NME7: variants seen among roughly 807,000 people sequenced by gnomAD.
The protein encoded by NME7 is NME/NM23 family member 7.
Under a neutral mutation model 49.1 loss-of-function variants are expected in NME7, and 41 were observed. The ratio of observed to expected loss-of-function variants is 0.83; its 90% CI spans 0.65 to 1.08. NME7 has a LOEUF of 1.08. NME7 is among the 50% of genes least tolerant of loss of function. The pLI, the probability that NME7 is intolerant of heterozygous loss-of-function variation, is 0.00. For synonymous variants in NME7, 139 were observed against 150.6 expected (o/e 0.92, Z 0.56); for missense variants, 423 against 463.4 (o/e 0.91, Z 0.80).
intron 1 of NME7, among the ~76,000 whole-genome samples, chr1:169,332,469 C>T (rs1377914140): frequency 6.6e-6 from 1 of 152,006 alleles, no homozygotes; most frequent in Non-Finnish European, 1.5e-5. Flanking sequence ...AACGGACAAA[C>T]AGGATCATAT....
At chr1:169,235,936 A>T (rs911782374) in intron 8 of NME7, among the ~76,000 whole-genome samples, 2 of 141,130 alleles carry the variant, frequency 1.4e-5, no homozygotes, top group African/African-American at 4.9e-5. Context: ...AAAAACTAAG[A>T]CCTTATTTTT....
At chr1:169,222,676 C>T (rs1661180090) in intron 10 of NME7, among the ~76,000 whole-genome samples, 1 of 152,094 alleles carries the variant, frequency 6.6e-6, no homozygotes, top group South Asian at 2.1e-4. Context: ...ACAATATAAT[C>T]TATTTCTTTC....
At position 169,310,214 on chromosome 1, in the gene NME7, T is replaced by C. The variant is rs966066968; in HGVS notation, c.279-134A>G. On this transcript the variant is annotated intron_variant, in intron 3 of 11. Coordinates refer to ENST00000367811, the MANE Select transcript of NME7 (RefSeq NM_013330.5). ...GAAATTAATTGTATAGAAAAGTGTA[T>C]TAAAGACATCCCTTAAAAACTTACA... The C allele has an allele frequency of 2.5e-5, 14 of 571,014 alleles. No individual in the cohort carries two copies. In the African/African-American group the frequency reaches 2.6e-4, roughly 11 times the overall value. The allele number at this position is 571,014 out of a possible 1,614,324, so 35.4% of individuals were successfully genotyped here.
chr1:169,255,102 C>T (rs1648860139), intron 7 of NME7, among the ~76,000 whole-genome samples: 3 of 136,540 alleles, frequency 2.2e-5, no homozygotes, highest in Admixed American at 2.2e-4. Context: ...GAGCTAAGTT[C>T]AATTCCTGGG....
chr1:169,145,962 T>C (rs1478644886), intron 11 of NME7, among the ~76,000 whole-genome samples: 1 of 152,150 alleles, frequency 6.6e-6, no homozygotes, highest in African/African-American at 2.4e-5. Flanking sequence ...ATTCAGAGGG[T>C]ACATGTGTAG....
chr1:169,180,899 C>T (rs1383732074), intron 10 of NME7, among the ~76,000 whole-genome samples: 1 of 152,012 alleles, frequency 6.6e-6, no homozygotes, highest in Non-Finnish European at 1.5e-5. Flanking sequence ...TGCTGGAGAG[C>T]TATATGTGGC....
At chr1:169,360,640 T>C (rs147598745) in intron 1 of NME7, among the ~76,000 whole-genome samples, 10 of 152,306 alleles carry the variant, frequency 6.6e-5, no homozygotes, top group Admixed American at 6.5e-4. Context: ...CTATTGACTC[T>C]GCCTGGAATG....
At chr1:169,161,401 C>T (rs560483795) in intron 11 of NME7, among the ~76,000 whole-genome samples, 1 of 152,294 alleles carries the variant, frequency 6.6e-6, no homozygotes, top group Admixed American at 6.5e-5. Context: ...CAGAGGCCTG[C>T]GTTAATCACG....
chr1:169,261,976 A>G (rs1649178913), intron 7 of NME7, among the ~76,000 whole-genome samples: 1 of 134,028 alleles, frequency 7.5e-6, no homozygotes. Flanking sequence ...AAGATGCCTT[A>G]TACCACTTGA....
rs1343071426 is a variant in NME7, at chr1:169,287,876, C to G, written c.649-468G>C. On this transcript the variant is annotated intron_variant, in intron 6 of 11. Transcript: ENST00000367811. Reference sequence around the variant, plus strand: ...CAGCTACTTAAAACTAACTATAGGCCTAGTATAAAATAAAATCAAATGAAC... The same window carrying G: ...CAGCTACTTAAAACTAACTATAGGCGTAGTATAAAATAAAATCAAATGAAC... 2.6e-5 allele frequency among the ~76,000 whole-genome samples: 4 copies of G among 151,922 alleles called. 1 individual carries two copies. Among genetic ancestry groups the G allele is most frequent in the Admixed American group, 2.0e-4 (3 of 15,240 alleles).
rs574723820 is a variant in NME7 at position 169,347,429 on chromosome 1, G to T, written c.3+20279C>A. 7.9e-5 allele frequency among the ~76,000 whole-genome samples: 12 copies of T among 152,118 alleles called. 1 individual carries two copies. The South Asian group carries it at 2.5e-3, about 32-fold the overall frequency. Reference sequence around the variant, plus strand: ...ATAAAGCTTTGGGAGGAAGATGGACGTTGGCAAGTTTAACAAACAAAGCCA... The same window carrying T: ...ATAAAGCTTTGGGAGGAAGATGGACTTTGGCAAGTTTAACAAACAAAGCCA... On this transcript the variant is annotated intron_variant, in intron 1 of 11. Coordinates refer to ENST00000367811, the MANE Select transcript of NME7 (RefSeq NM_013330.5).
intron 11 of NME7, among the ~76,000 whole-genome samples, chr1:169,138,639 A>C (rs1658501170): frequency 6.6e-6 from 1 of 152,142 alleles, no homozygotes; most frequent in African/African-American, 2.4e-5. Context: ...GGATCACTTG[A>C]GCCTGGGAAG....
At chr1:169,227,534 G>A (rs1031406393) in intron 10 of NME7, among the ~76,000 whole-genome samples, 3 of 152,110 alleles carry the variant, frequency 2.0e-5, no homozygotes, top group Non-Finnish European at 4.4e-5. Context: ...ACTAAGTTCT[G>A]AAGGCTGGAA....
chr1:169,160,093 A>G (rs151152767), intron 11 of NME7, among the ~76,000 whole-genome samples: 202 of 152,146 alleles, frequency 1.3e-3, no homozygotes, highest in African/African-American at 4.5e-3. Context: ...GGAAAGCTCC[A>G]CTTCTGAAGT....
At chr1:169,225,064 G>T (rs867658452) in intron 10 of NME7, among the ~76,000 whole-genome samples, 1 of 152,088 alleles carries the variant, frequency 6.6e-6, no homozygotes, top group Non-Finnish European at 1.5e-5. Context: ...AAAGAAGAAA[G>T]ACACTGGTTT....
At chr1:169,145,981 C>T (rs565635168) in intron 11 of NME7, among the ~76,000 whole-genome samples, 39 of 151,806 alleles carry the variant, frequency 2.6e-4, no homozygotes, top group Middle Eastern at 3.4e-3. Flanking sequence ...AGGTCTGTTA[C>T]ATAGATATAT....
chr1:169,338,033 G>C (rs907165213), intron 1 of NME7, among the ~76,000 whole-genome samples: 1 of 152,176 alleles, frequency 6.6e-6, no homozygotes, highest in African/African-American at 2.4e-5. Context: ...CACGTGTGAA[G>C]AATCTAATTT....
intron 1 of NME7, among the ~76,000 whole-genome samples, chr1:169,354,569 G>A (rs2101979882): frequency 1.3e-5 from 2 of 150,770 alleles, no homozygotes; most frequent in African/African-American, 4.9e-5. Context: ...TTGAGGAAAT[G>A]GATACCAAAT....
chr1:169,359,092 T>C (rs1221697829), intron 1 of NME7, among the ~76,000 whole-genome samples: 1 of 152,106 alleles, frequency 6.6e-6, no homozygotes, highest in African/African-American at 2.4e-5. Flanking sequence ...CTCCTACAGA[T>C]ACCAGAATCC....
Sources: gnomAD v4.1 joint callset for allele counts (sites outside exome capture counted in the v4.1 genomes callset) on GRCh38, gnomAD v4.1.1 for gene constraint, MANE v1.5 for transcripts, NCBI Gene and HGNC (gene_info 2026-07-23, HGNC 2026-07-21) for gene names.